SYAP1: variants seen among roughly 807,000 people sequenced by gnomAD.
The protein encoded by SYAP1 is synapse-associated protein 1.
A neutral mutation model predicts 29.6 loss-of-function variants in SYAP1; 3 were observed. The ratio of observed to expected loss-of-function variants is 0.10; its 90% CI spans 0.05 to 0.26. SYAP1 has a LOEUF of 0.26. Among genes scored for constraint, SYAP1 ranks in the 10% least tolerant of loss-of-function variants. The pLI is 1.00. For missense variants in SYAP1, 217 were observed against 264.1 expected (o/e 0.82, Z 1.24); for synonymous variants, 102 against 102.7 (o/e 0.99, Z 0.04).
At position 16,755,031 on chromosome X, in the gene SYAP1, A is replaced by G. The variant is rs1371574084; in HGVS notation, c.662A>G (p.Gln221Arg). The G allele has an allele frequency of 1.7e-6, 2 of 1,209,881 alleles. No homozygotes were observed. Among genetic ancestry groups the G allele is most frequent in the Non-Finnish European group, 2.2e-6 (2 of 895,021 alleles). ...QSAQLTALAA[Q>R]QQAAGKEEKS... Reference sequence around the variant, plus strand: ...GCCCAGCTCACGGCCCTGGCTGCCCAACAGCAGGCCGCAGGGAAGGAGGAG... The same window carrying G: ...GCCCAGCTCACGGCCCTGGCTGCCCGACAGCAGGCCGCAGGGAAGGAGGAG... The change falls in exon 6 of 9, where the codon CAA becomes CGA. Residue 221 changes from glutamine (Q) to arginine (R), a missense_variant. Gln to Arg is a conservative substitution (Grantham distance 43). Transcript: ENST00000380155.
chrX:16,757,121 G>T (rs778238539), intron 7 of SYAP1, 41 bp from the exon 8 acceptor site: 2 of 1,195,922 alleles, frequency 1.7e-6, no homozygotes, highest in Non-Finnish European at 2.3e-6. Flanking sequence ...CACAAATGTC[G>T]CTTAGCAAAC....
intron 5 of SYAP1, among the ~76,000 whole-genome samples, chrX:16,753,506 C>T (rs550814738): frequency 4.5e-5 from 5 of 112,151 alleles, no homozygotes; most frequent in African/African-American, 1.6e-4. Flanking sequence ...TTTCTTCACA[C>T]GTTTCCTTGC....
At chrX:16,758,830 T>C (rs1040028756) in intron 8 of SYAP1, among the ~76,000 whole-genome samples, 5 of 110,734 alleles carry the variant, frequency 4.5e-5, no homozygotes, top group African/African-American at 1.6e-4. Context: ...TTGAGGTTGC[T>C]GCTGTAGAAC....
intron 1 of SYAP1, among the ~76,000 whole-genome samples, chrX:16,729,053 A>G (rs199890955): frequency 7.1e-4 from 36 of 50,656 alleles, no homozygotes; most frequent in East Asian, 3.2e-3. Flanking sequence ...AAAAAAAAAG[A>G]AAAAAAAAAA....
rs1285503503 is a variant in SYAP1 at position 16,763,083 on chromosome X, T to A, written c.*2724T>A. 1 of 108,350 alleles carries A rather than the reference T, an allele frequency of 9.2e-6. No homozygotes were observed. Among genetic ancestry groups the A allele is most frequent in the Admixed American group, 1.0e-4 (1 of 10,048 alleles). 8.9% of individuals were successfully genotyped at this position (108,350 alleles called of 1,213,427 possible). A position where few individuals can be genotyped will look rare whatever the true frequency, so the allele number is the denominator to read the frequency against. On this transcript the variant is annotated 3_prime_UTR_variant, in exon 9 of 9. Transcript: ENST00000380155. The stretch of plus-strand genomic sequence containing the variant: ...CAGGCAGATTGCTTGAGCTCAGGAG[T>A]TCAAGACCAGCCTGGGCAACATAGG...
intron 1 of SYAP1, among the ~76,000 whole-genome samples, chrX:16,732,927 G>C (rs1418276340): frequency 1.8e-5 from 2 of 111,970 alleles, no homozygotes; most frequent in Non-Finnish European, 1.9e-5. Context: ...CCAAGTAATC[G>C]GTAGAGTGTT....
At chrX:16,735,983 C>T (rs1248968317) in intron 2 of SYAP1, among the ~76,000 whole-genome samples, 183 bp from the exon 3 acceptor site, 1 of 112,467 alleles carries the variant, frequency 8.9e-6, no homozygotes, top group Non-Finnish European at 1.9e-5. Flanking sequence ...TATGCCTTTG[C>T]ATCATGCGAC....
chrX:16,736,502 CTCTTT>C, intron 3 of SYAP1: 1 of 229,172 alleles, frequency 4.4e-6, no homozygotes. Flanking sequence ...TTCTGACTTT[CTCTTT>C]TCTTTTCCCC....
chrX:16,757,746 A>G (rs1926880525), intron 8 of SYAP1, among the ~76,000 whole-genome samples: 1 of 105,975 alleles, frequency 9.4e-6, no homozygotes, highest in South Asian at 4.4e-4. Context: ...TAAATAAATA[A>G]TAAGTTTTTG....
chrX:16,748,440 A>AC (rs1926655722), intron 5 of SYAP1, among the ~76,000 whole-genome samples: 2 of 112,882 alleles, frequency 1.8e-5, no homozygotes, highest in African/African-American at 6.4e-5. Flanking sequence ...AGCCATCATT[A>AC]ACTAGGAACA....
Position 16,747,965 on chromosome X carries a change from C to T in SYAP1, c.575+4125C>T, listed in dbSNP as rs942099451. 5.4e-5 allele frequency among the ~76,000 whole-genome samples: 6 copies of T among 110,732 alleles called. No individual in the cohort carries two copies. The South Asian group carries it at 2.3e-3, about 42-fold the overall frequency. ...GGGTGTGGTGGCGGGCGCCTGTAAT[C>T]CCAGCTACTCGGGAAGCTGAGGCAG... On this transcript the variant is annotated intron_variant, in intron 5 of 8. Coordinates refer to ENST00000380155, the MANE Select transcript of SYAP1 (RefSeq NM_032796.4).
chrX:16,746,730 G>C (rs1028981465), intron 5 of SYAP1, among the ~76,000 whole-genome samples: 1 of 110,028 alleles, frequency 9.1e-6, no homozygotes, highest in South Asian at 3.9e-4. Context: ...TGGGATTACA[G>C]ACGCATGCCA....
At chrX:16,744,252 A>G (rs1926544182) in intron 5 of SYAP1, among the ~76,000 whole-genome samples, 3 of 112,071 alleles carry the variant, frequency 2.7e-5, no homozygotes, top group African/African-American at 9.7e-5. Flanking sequence ...TCTGGGCTCC[A>G]CAAATCCCAG....
intron 4 of SYAP1, among the ~76,000 whole-genome samples, chrX:16,742,171 A>ATTTTT (rs1926478466): frequency 4.1e-5 from 1 of 24,168 alleles, no homozygotes; most frequent in East Asian, 2.0e-3. Flanking sequence ...TTTTTTTTTG[A>ATTTTT]GACAAAGTCT....
chrX:16,727,220 A>T lies in SYAP1; in HGVS notation c.175+7321A>T, dbSNP rs1310671881. ...TGGCCAGATTATTTGTATAAAGTGC[A>T]GCAAGAAAAATCATTTTCTTTTAAA... On this transcript the variant is annotated intron_variant, in intron 1 of 8. Coordinates refer to ENST00000380155, the MANE Select transcript of SYAP1 (RefSeq NM_032796.4). Among the ~76,000 whole-genome samples, 3 of 108,612 alleles carry T rather than the reference A, an allele frequency of 2.8e-5. No homozygotes were observed. The East Asian group carries it at 8.4e-4, about 31-fold the overall frequency. The allele number at this position is 108,612 out of a possible 115,157, so 94.3% of individuals were successfully genotyped here. A position where few individuals can be genotyped will look rare whatever the true frequency, so the allele number is the denominator to read the frequency against.
chrX:16,750,498 G>A (rs778126306), intron 5 of SYAP1, among the ~76,000 whole-genome samples: 3 of 111,467 alleles, frequency 2.7e-5, no homozygotes, highest in Admixed American at 9.7e-5. Flanking sequence ...CCAGCATAGC[G>A]CCTGATGCAC....
At chrX:16,751,056 C>T (rs1402272978) in intron 5 of SYAP1, among the ~76,000 whole-genome samples, 1 of 109,416 alleles carries the variant, frequency 9.1e-6, no homozygotes, top group Non-Finnish European at 1.9e-5. Context: ...CATGAGCCAC[C>T]GCACCTAGCA....
intron 6 of SYAP1, among the ~76,000 whole-genome samples, chrX:16,756,030 A>T (rs1166392866): frequency 2.7e-5 from 3 of 111,970 alleles, no homozygotes; most frequent in Non-Finnish European, 3.8e-5. Flanking sequence ...AAAATTTGTC[A>T]TTTTGTATAT....
chrX:16,719,677 C>T lies in SYAP1; in HGVS notation c.-48C>T, dbSNP rs778100391. 2.2e-5 allele frequency: 26 copies of T among 1,177,828 alleles called. No homozygotes were observed. The highest frequency in any genetic ancestry group is 3.8e-5 in the South Asian group (2 of 52,774). ...AGTGGAGTCAAAGGCAACCAGTGCT[C>T]GCTGCGGTCTCTGGGGATCGGGACC... On this transcript the variant is annotated 5_prime_UTR_variant, in exon 1 of 9. Coordinates refer to ENST00000380155, the MANE Select transcript of SYAP1 (RefSeq NM_032796.4).
Sources: gnomAD v4.1 joint callset for allele counts (sites outside exome capture counted in the v4.1 genomes callset) on GRCh38, gnomAD v4.1.1 for gene constraint, MANE v1.5 for transcripts, NCBI Gene and HGNC (gene_info 2026-07-23, HGNC 2026-07-21) for gene names.